PLCL2: variants seen among roughly 807,000 people sequenced by gnomAD.
The protein encoded by PLCL2 is inactive phospholipase C-like protein 2.
In PLCL2, 4 loss-of-function variants were observed where a neutral mutation model predicts 79.6. That is an observed-to-expected ratio of 0.05 (90% CI 0.02 to 0.11). PLCL2 has a LOEUF of 0.11. PLCL2 is among the 10% of genes least tolerant of loss of function. The pLI is 1.00. For synonymous variants in PLCL2, 484 were observed against 457.7 expected (o/e 1.06, Z -0.73); for missense variants, 895 against 1,291.0 (o/e 0.69, Z 4.70).
chr3:17,021,447 C>G (rs765912046), intron 3 of PLCL2, among the ~76,000 whole-genome samples: 4 of 152,086 alleles, frequency 2.6e-5, no homozygotes, highest in African/African-American at 4.8e-5. Flanking sequence ...ACACAGTGAT[C>G]GGGAGCTGGG....
At chr3:16,930,813 C>T (rs1404516523) in intron 1 of PLCL2, among the ~76,000 whole-genome samples, 1 of 152,182 alleles carries the variant, frequency 6.6e-6, no homozygotes, top group East Asian at 1.9e-4. Context: ...AAGTCTGCTG[C>T]TCCTGCATGA....
chr3:17,090,101 T>A lies in PLCL2; in HGVS notation c.*189T>A. The A allele has an allele frequency of 7.7e-7, 1 of 1,299,654 alleles. No homozygotes were observed. The highest frequency in any genetic ancestry group is 9.8e-7 in the Non-Finnish European group (1 of 1,024,646). 80.5% of individuals were successfully genotyped at this position (1,299,654 alleles called of 1,614,324 possible). ...CCTGCGTGTGAAGGCAAATAAACTC[T>A]TTAACAGGCAATTATATTGCTGGCC... On this transcript the variant is annotated 3_prime_UTR_variant, in exon 6 of 6. Coordinates refer to ENST00000615277, the MANE Select transcript of PLCL2 (RefSeq NM_001144382.2).
At chr3:17,063,592 G>A (rs564564703) in intron 4 of PLCL2, among the ~76,000 whole-genome samples, 6 of 152,032 alleles carry the variant, frequency 3.9e-5, no homozygotes, top group Admixed American at 2.6e-4. Flanking sequence ...TCTGTTACTC[G>A]TTGAGGTTTG....
chr3:16,949,749 G>A (rs926492981), intron 1 of PLCL2, among the ~76,000 whole-genome samples: 1 of 152,124 alleles, frequency 6.6e-6, no homozygotes, highest in African/African-American at 2.4e-5. Context: ...CGCAAGTAAT[G>A]TAGTCATTTC....
At chr3:17,047,935 T>C (rs1336887281) in intron 4 of PLCL2, among the ~76,000 whole-genome samples, 1 of 152,182 alleles carries the variant, frequency 6.6e-6, no homozygotes, top group Non-Finnish European at 1.5e-5. Context: ...CATTTGCTGC[T>C]TCCAGTCTGC....
rs577344543 is a variant in PLCL2 at position 16,996,744 on chromosome 3, G to A, written c.328-12930G>A. Among the ~76,000 whole-genome samples, 95 of 152,158 alleles carry A rather than the reference G, an allele frequency of 6.2e-4. No individual in the cohort carries two copies. The South Asian group carries it at 0.014, about 22-fold the overall frequency. ...TTAACAGATTTATCTCCATGTGGCC[G>A]TTTGGTAGGCAGTGAACATTTTGTT... On this transcript the variant is annotated intron_variant, in intron 1 of 5. Transcript: ENST00000615277.
chr3:16,980,830 C>T (rs1269909772), intron 1 of PLCL2, among the ~76,000 whole-genome samples: 1 of 152,222 alleles, frequency 6.6e-6, no homozygotes, highest in East Asian at 1.9e-4. Flanking sequence ...CGCCACTGCA[C>T]TCCAGCCTGG....
chr3:16,895,981 G>C (rs1252857923), intron 1 of PLCL2, among the ~76,000 whole-genome samples: 1 of 152,200 alleles, frequency 6.6e-6, no homozygotes, highest in Non-Finnish European at 1.5e-5. Flanking sequence ...GTCCTACTGG[G>C]TGCCAGTGAT....
At chr3:16,897,573 AGT>A (rs1696512732) in intron 1 of PLCL2, among the ~76,000 whole-genome samples, 1 of 152,342 alleles carries the variant, frequency 6.6e-6, no homozygotes, top group South Asian at 2.1e-4. Context: ...TTGCTAAATG[AGT>A]GTAGTAAAAA....
intron 1 of PLCL2, among the ~76,000 whole-genome samples, chr3:16,957,877 C>T (rs1490961114): frequency 2.0e-5 from 3 of 152,078 alleles, no homozygotes; most frequent in Non-Finnish European, 4.4e-5. Flanking sequence ...TTTCCATTTG[C>T]TTGGTAGGTC....
intron 3 of PLCL2, among the ~76,000 whole-genome samples, chr3:17,035,376 T>C (rs529644606): frequency 2.3e-4 from 35 of 151,920 alleles, no homozygotes; most frequent in Non-Finnish European, 4.3e-4. Flanking sequence ...CGTAAAGCAC[T>C]CTATAATTGT....
chr3:16,966,298 CT>C (rs1209526459), intron 1 of PLCL2, among the ~76,000 whole-genome samples: 3 of 151,138 alleles, frequency 2.0e-5, no homozygotes, highest in Non-Finnish European at 4.4e-5. Flanking sequence ...GTTTTTGGTT[CT>C]GTTTATATGC....
In PLCL2 at chr3:16,973,824, A is replaced by T. The variant is rs76903510; in HGVS notation, c.328-35850A>T. Among the ~76,000 whole-genome samples the T allele has an allele frequency of 2.0e-3, 302 of 152,326 alleles. 6 individuals are homozygous for T. In the East Asian group the frequency reaches 0.05, roughly 25 times the overall value. On this transcript the variant is annotated intron_variant, in intron 1 of 5. Transcript: ENST00000615277. ...ATGATTTTGCTCTCAAGGAGCTTAT[A>T]ATCTAGTGGGAGGGACAGACATTCA...
At chr3:16,911,416 CTA>C (rs1696880055) in intron 1 of PLCL2, among the ~76,000 whole-genome samples, 1 of 152,016 alleles carries the variant, frequency 6.6e-6, no homozygotes, top group Admixed American at 6.5e-5. Context: ...AGTAGGGACA[CTA>C]TTTAAAACTA....
intron 4 of PLCL2, among the ~76,000 whole-genome samples, chr3:17,066,722 T>C (rs2065014297): frequency 6.6e-6 from 1 of 152,186 alleles, no homozygotes; most frequent in African/African-American, 2.4e-5. Context: ...AAGAGCTCTA[T>C]ACACTGACAT....
intron 1 of PLCL2, among the ~76,000 whole-genome samples, chr3:17,005,943 C>G (rs536333620): frequency 7.9e-5 from 12 of 152,178 alleles, no homozygotes; most frequent in African/African-American, 2.9e-4. Flanking sequence ...CACAGTATAA[C>G]AGCCAATTCT....
intron 5 of PLCL2, among the ~76,000 whole-genome samples, chr3:17,072,394 C>T (rs1212736064): frequency 6.6e-6 from 1 of 152,060 alleles, no homozygotes; most frequent in Non-Finnish European, 1.5e-5. Context: ...ATGGGCCGGG[C>T]ATGGTAGCTC....
At chr3:16,901,771 GCT>G (rs1022078707) in intron 1 of PLCL2, among the ~76,000 whole-genome samples, 2 of 152,144 alleles carry the variant, frequency 1.3e-5, no homozygotes, top group African/African-American at 4.8e-5. Flanking sequence ...AGCCTTCTCA[GCT>G]CTCTCTTCAG....
chr3:17,036,610 G>A (rs62247184), intron 3 of PLCL2, among the ~76,000 whole-genome samples: 2,404 of 152,262 alleles, frequency 0.016, 33 homozygotes, highest in Non-Finnish European at 0.024. Flanking sequence ...ATTCCCAAGG[G>A]CATCTTGATC....
Sources: gnomAD v4.1 joint callset for allele counts (sites outside exome capture counted in the v4.1 genomes callset) on GRCh38, gnomAD v4.1.1 for gene constraint, MANE v1.5 for transcripts, NCBI Gene and HGNC (gene_info 2026-07-23, HGNC 2026-07-21) for gene names.